The following TLK1 variants were observed in gnomAD, a reference collection of about 807,000 sequenced individuals.
TLK1 encodes serine/threonine-protein kinase tousled-like 1.
Under a neutral mutation model 105.3 loss-of-function variants are expected in TLK1, and 24 were observed. The observed-to-expected ratio is 0.23, with a 90% CI of 0.17 to 0.32. The LOEUF (loss-of-function observed/expected upper bound fraction) is 0.32. TLK1 is among the 10% of genes least tolerant of loss of function. The pLI, the probability that TLK1 is intolerant of heterozygous loss-of-function variation, is 1.00. For missense variants in TLK1, 558 were observed against 910.5 expected, an observed-to-expected ratio of 0.61 and a Z score of 4.98; for synonymous variants, 321 against 310.4, an observed-to-expected ratio of 1.03 and a Z score of -0.36.
intron 8 of TLK1, among the ~76,000 whole-genome samples, chr2:171,050,611 T>A (rs1330607417): frequency 6.6e-6 from 1 of 152,218 alleles, no homozygotes; most frequent in Non-Finnish European, 1.5e-5. Context: ...TTTTCCTCTA[T>A]CTCTTATAAC....
Position 171,051,010 on chromosome 2 carries a change from A to T in TLK1, c.733-836T>A, listed in dbSNP as rs551567930. On this transcript the variant is annotated intron_variant, in intron 8 of 20. Transcript: ENST00000431350. The stretch of plus-strand genomic sequence containing the variant: ...CCACAAGACAAGGGCACAAAATCTT[A>T]AAAGTGCTGAGAGAAAAGAATTGCC... 2.8e-4 allele frequency among the ~76,000 whole-genome samples: 42 copies of T among 152,348 alleles called. No homozygotes were observed. The South Asian group carries it at 8.5e-3, about 31-fold the overall frequency.
chr2:171,210,196 A>G (rs1297718857), intron 1 of TLK1, among the ~76,000 whole-genome samples: 1 of 152,202 alleles, frequency 6.6e-6, no homozygotes, highest in East Asian at 1.9e-4. Context: ...GAATGTGGCA[A>G]CCAAGGTGTG....
intron 10 of TLK1, among the ~76,000 whole-genome samples, chr2:171,048,619 C>T (rs1687071770): frequency 3.2e-5 from 1 of 31,590 alleles, no homozygotes; most frequent in Non-Finnish European, 1.1e-4. Context: ...CCATTATCTG[C>T]AGAATTGAAA....
intron 1 of TLK1, among the ~76,000 whole-genome samples, chr2:171,146,379 G>A (rs542694971): frequency 4.6e-5 from 7 of 152,262 alleles, no homozygotes; most frequent in South Asian, 2.1e-4. Context: ...CACACAAGAG[G>A]TGCCTCTCTC....
Position 170,997,401 on chromosome 2 carries a change from G to C in TLK1, c.2016+311C>G, listed in dbSNP as rs552171502. 2.6e-5 allele frequency among the ~76,000 whole-genome samples: 4 copies of C among 152,198 alleles called. No individual in the cohort carries two copies. In the East Asian group the frequency reaches 5.8e-4, roughly 22 times the overall value. On this transcript the variant is annotated intron_variant, in intron 19 of 20. Transcript: ENST00000431350. ...GGGTGGGGTGGGGGGTGTAAGAGGA[G>C]GTCAAGTGAATGGTGGATAATGAAA...
In TLK1 at chr2:171,006,454, T is replaced by TA. The variant is rs763974025; in HGVS notation, c.1768+19dup. The TA allele has an allele frequency of 6.4e-7, 1 of 1,551,178 alleles. No homozygotes were observed. Among genetic ancestry groups the TA allele is most frequent in the South Asian group, 1.2e-5 (1 of 81,512 alleles). On this transcript the variant is annotated intron_variant, in intron 17 of 20. Transcript: ENST00000431350. ...AACTATACTCAAGTTTAAAAAAAAT[T>TA]AGACAAATTTCATAATTACCTGGCT...
At chr2:171,171,706 A>G (rs1386079782) in intron 1 of TLK1, among the ~76,000 whole-genome samples, 2 of 152,048 alleles carry the variant, frequency 1.3e-5, no homozygotes, top group East Asian at 3.8e-4. Context: ...GCAAAAAAAA[A>G]TGCTAAATAT....
chr2:171,021,432 ACTTTTTTTTTTTTTTTTTT>A (rs1169991011), intron 12 of TLK1, among the ~76,000 whole-genome samples: 11 of 110,348 alleles, frequency 1.0e-4, no homozygotes, highest in Non-Finnish European at 1.9e-4. Flanking sequence ...TCCCGCCCCG[ACTTTTTTTTTTTTTTTTTT>A]TTTTTTTTTT....
At chr2:171,190,178 T>C (rs999681547) in intron 1 of TLK1, among the ~76,000 whole-genome samples, 1 of 152,166 alleles carries the variant, frequency 6.6e-6, no homozygotes, top group Non-Finnish European at 1.5e-5. Context: ...GCAAGGGTTT[T>C]TGGGAGATGA....
intron 20 of TLK1, 53 bp from the exon 21 acceptor site, chr2:170,994,009 T>C: frequency 2.0e-6 from 3 of 1,510,662 alleles, no homozygotes; most frequent in Non-Finnish European, 2.7e-6. Flanking sequence ...CCCTTCTAAA[T>C]ATCAATCAAC....
rs565510967 is a variant in TLK1, at chr2:171,149,389, G to C, written c.139+10901C>G. Among the ~76,000 whole-genome samples, 55 of 152,146 alleles carry C rather than the reference G, an allele frequency of 3.6e-4. 2 individuals are homozygous for C. In the South Asian group the frequency reaches 0.011, roughly 30 times the overall value. On this transcript the variant is annotated intron_variant, in intron 1 of 20. Transcript: ENST00000431350. ...AAACAAAATCTACAGATAAGGCATT[G>C]AGAGGTTAAGTAACTTAGTATAATT...
At chr2:171,079,843 G>A (rs1448137555) in intron 3 of TLK1, among the ~76,000 whole-genome samples, 4 of 152,090 alleles carry the variant, frequency 2.6e-5, no homozygotes, top group Non-Finnish European at 5.9e-5. Flanking sequence ...GTACTGGGTA[G>A]GAGAAAACGA....
intron 6 of TLK1, 48 bp downstream of exon 6, chr2:171,056,423 C>T (rs942802854): frequency 1.3e-6 from 2 of 1,503,054 alleles, no homozygotes; most frequent in Non-Finnish European, 1.8e-6. Context: ...ATTCAGTGTA[C>T]ATAACCCTCC....
chr2:171,098,052 T>TCTCA, intron 2 of TLK1, among the ~76,000 whole-genome samples: 1 of 152,128 alleles, frequency 6.6e-6, no homozygotes, highest in Non-Finnish European at 1.5e-5. Context: ...ACATGTGAAA[T>TCTCA]CTCATGAAGC....
intron 1 of TLK1, among the ~76,000 whole-genome samples, chr2:171,142,247 G>A (rs1194558980): frequency 6.6e-6 from 1 of 152,074 alleles, no homozygotes; most frequent in Non-Finnish European, 1.5e-5. Context: ...GAGAATAAGA[G>A]AAAGTTCAAA....
intron 11 of TLK1, among the ~76,000 whole-genome samples, chr2:171,044,536 A>C (rs868423021): frequency 7.9e-5 from 12 of 152,304 alleles, no homozygotes; most frequent in Middle Eastern, 3.4e-3. Context: ...GATATTCAAG[A>C]CTGAGACAGA....
intron 1 of TLK1, among the ~76,000 whole-genome samples, chr2:171,174,069 C>T (rs1692777397): frequency 6.6e-6 from 1 of 152,160 alleles, no homozygotes; most frequent in African/African-American, 2.4e-5. Flanking sequence ...TATTTTTCCT[C>T]CTGGATTATT....
intron 14 of TLK1, among the ~76,000 whole-genome samples, chr2:171,010,049 A>G (rs918548045): frequency 2.0e-5 from 3 of 152,172 alleles, no homozygotes; most frequent in African/African-American, 7.2e-5. Context: ...TAAAAAGTTC[A>G]CTCTAGTTGC....
intron 11 of TLK1, among the ~76,000 whole-genome samples, chr2:171,040,134 A>C (rs1686590558): frequency 6.6e-6 from 1 of 152,188 alleles, no homozygotes; most frequent in South Asian, 2.1e-4. Flanking sequence ...AAAGGTGAGA[A>C]AAAAAGAAAA....
Sources: gnomAD v4.1 joint callset for allele counts (sites outside exome capture counted in the v4.1 genomes callset) on GRCh38, gnomAD v4.1.1 for gene constraint, MANE v1.5 for transcripts, NCBI Gene and HGNC (gene_info 2026-07-23, HGNC 2026-07-21) for gene names.